TAFA2: variants seen among roughly 807,000 people sequenced by gnomAD.
TAFA2 encodes the protein chemokine-like protein TAFA-2.
In TAFA2, 7 loss-of-function variants were observed where a neutral mutation model predicts 18.8. That is an observed-to-expected ratio of 0.37 (90% confidence interval 0.21 to 0.70). The LOEUF (loss-of-function observed/expected upper bound fraction) is 0.70. Among genes scored for constraint, TAFA2 ranks in the 30% least tolerant of loss-of-function variants. The pLI, the probability that TAFA2 is intolerant of heterozygous loss-of-function variation, is 0.53. For synonymous variants in TAFA2, 60 were observed against 54.2 expected, an observed-to-expected ratio of 1.11 and a Z score of -0.47; for missense variants, 122 against 158.1, an observed-to-expected ratio of 0.77 and a Z score of 1.23.
chr12:62,050,214 A>G (rs1033179180), intron 1 of TAFA2, among the ~76,000 whole-genome samples: 8 of 152,088 alleles, frequency 5.3e-5, no homozygotes, highest in African/African-American at 1.9e-4. Flanking sequence ...CTTCCAGGGG[A>G]CACAGATTCT....
At chr12:61,786,313 C>T (rs2120908565) in intron 2 of TAFA2, among the ~76,000 whole-genome samples, 1 of 151,598 alleles carries the variant, frequency 6.6e-6, no homozygotes, top group South Asian at 2.1e-4. Flanking sequence ...AAAAGCAAGA[C>T]TTAGAAAAAA....
chr12:62,189,940 T>TG (rs2062610988), intron 1 of TAFA2, among the ~76,000 whole-genome samples: 2 of 141,926 alleles, frequency 1.4e-5, no homozygotes, highest in African/African-American at 2.7e-5. Flanking sequence ...TGAGTTTGCT[T>TG]TGTGTGTGTG....
intron 1 of TAFA2, chr12:62,234,932 C>T: frequency 1.3e-6 from 1 of 796,746 alleles, no homozygotes; most frequent in Non-Finnish European, 2.2e-6. Flanking sequence ...ACGGAGGGGG[C>T]ATAGCCTGGG....
chr12:61,760,260 C>T (rs938184082), intron 2 of TAFA2, among the ~76,000 whole-genome samples: 5 of 149,912 alleles, frequency 3.3e-5, no homozygotes, highest in Non-Finnish European at 7.4e-5. Flanking sequence ...ATGATAGATA[C>T]AGATAGCTAA....
intron 1 of TAFA2, among the ~76,000 whole-genome samples, chr12:62,185,304 T>C (rs1391636595): frequency 6.6e-6 from 1 of 152,226 alleles, no homozygotes; most frequent in Non-Finnish European, 1.5e-5. Flanking sequence ...TTCAATGCCC[T>C]CTCATTCTCC....
At chr12:61,925,296 C>A (rs535900939) in intron 1 of TAFA2, among the ~76,000 whole-genome samples, 3 of 152,248 alleles carry the variant, frequency 2.0e-5, no homozygotes, top group South Asian at 2.1e-4. Context: ...CTTCTCAGCA[C>A]CATATAGCAC....
chr12:61,891,767 G>A (rs909107706), intron 1 of TAFA2, among the ~76,000 whole-genome samples: 1 of 152,102 alleles, frequency 6.6e-6, no homozygotes, highest in African/African-American at 2.4e-5. Context: ...GTGAAATAGA[G>A]AGAAGGCAGT....
At chr12:62,177,510 C>A (rs1320091876) in intron 1 of TAFA2, among the ~76,000 whole-genome samples, 1 of 152,202 alleles carries the variant, frequency 6.6e-6, no homozygotes, top group Non-Finnish European at 1.5e-5. Flanking sequence ...GAGATCTCAA[C>A]CATTCAGAGG....
chr12:61,869,739 A>C (rs993905789), intron 1 of TAFA2, among the ~76,000 whole-genome samples: 1 of 152,192 alleles, frequency 6.6e-6, no homozygotes, highest in African/African-American at 2.4e-5. Flanking sequence ...ATGTCATTTT[A>C]AATCTTCCGT....
chr12:62,061,885 TA>T (rs1882358060), intron 1 of TAFA2, among the ~76,000 whole-genome samples: 1 of 152,154 alleles, frequency 6.6e-6, no homozygotes, highest in African/African-American at 2.4e-5. Context: ...TACATTCTAG[TA>T]AGCATGAGAG....
chr12:61,764,879 A>G (rs1258887346), intron 2 of TAFA2, among the ~76,000 whole-genome samples: 1 of 152,084 alleles, frequency 6.6e-6, no homozygotes. Context: ...TATTCACTAT[A>G]AAGTCAATCC....
At chr12:61,766,390 T>C (rs1200961471) in intron 2 of TAFA2, among the ~76,000 whole-genome samples, 1 of 152,094 alleles carries the variant, frequency 6.6e-6, no homozygotes, top group East Asian at 1.9e-4. Context: ...AAAGCATACC[T>C]TCACATCTCT....
chr12:61,809,688 T>C (rs1054105554), intron 2 of TAFA2, among the ~76,000 whole-genome samples: 7 of 151,416 alleles, frequency 4.6e-5, no homozygotes, highest in Admixed American at 6.6e-5. Context: ...CCAGACTTTA[T>C]GTCTTAGTTT....
At chr12:62,016,697 C>T (rs1880947494) in intron 1 of TAFA2, among the ~76,000 whole-genome samples, 1 of 152,160 alleles carries the variant, frequency 6.6e-6, no homozygotes, top group Admixed American at 6.5e-5. Flanking sequence ...AACCATCCTA[C>T]CAATCATTCA....
At chr12:61,979,923 C>T (rs1404620890) in intron 1 of TAFA2, among the ~76,000 whole-genome samples, 1 of 152,030 alleles carries the variant, frequency 6.6e-6, no homozygotes, top group Non-Finnish European at 1.5e-5. Flanking sequence ...CTCTTTGTCC[C>T]TCTCCCACCC....
At chr12:62,108,325 T>G (rs1869557744) in intron 1 of TAFA2, among the ~76,000 whole-genome samples, 1 of 152,196 alleles carries the variant, frequency 6.6e-6, no homozygotes, top group African/African-American at 2.4e-5. Flanking sequence ...ACTCATCCCT[T>G]TTTTGGCTGC....
chr12:61,981,406 C>A (rs1330596736), intron 1 of TAFA2, among the ~76,000 whole-genome samples: 4 of 152,148 alleles, frequency 2.6e-5, no homozygotes, highest in Admixed American at 2.6e-4. Flanking sequence ...TGGGCAAGGA[C>A]TTCATGTCTA....
intron 1 of TAFA2, among the ~76,000 whole-genome samples, chr12:61,901,024 T>G (rs1876075216): frequency 6.6e-6 from 1 of 152,214 alleles, no homozygotes; most frequent in South Asian, 2.1e-4. Context: ...GTGTCTGTGA[T>G]TACCTGTTTT....
intron 1 of TAFA2, among the ~76,000 whole-genome samples, chr12:61,889,843 T>G (rs1190077308): frequency 6.6e-6 from 1 of 152,214 alleles, no homozygotes; most frequent in South Asian, 2.1e-4. Flanking sequence ...GAGTTCTCTA[T>G]GCATTGGACT....
Sources: gnomAD v4.1 joint callset for allele counts (sites outside exome capture counted in the v4.1 genomes callset) on GRCh38, gnomAD v4.1.1 for gene constraint, MANE v1.5 for transcripts, NCBI Gene and HGNC (gene_info 2026-07-23, HGNC 2026-07-21) for gene names.